The following NECTIN3 variants were observed in gnomAD, a reference collection of about 807,000 sequenced individuals.
NECTIN3 encodes nectin cell adhesion molecule 3.
NECTIN3 carries 8 observed loss-of-function variants against 49.4 expected under a neutral mutation model. That is an observed-to-expected ratio of 0.16 (90% CI 0.10 to 0.29). NECTIN3 has a LOEUF of 0.29. Ranked by LOEUF, NECTIN3 falls within the 10% of genes least tolerant of loss-of-function variation. The pLI, the probability that NECTIN3 is intolerant of heterozygous loss-of-function variation, is 1.00. For missense variants in NECTIN3, 581 were observed against 654.6 expected (o/e 0.89, Z 1.23); for synonymous variants, 277 against 241.1 (o/e 1.15, Z -1.38).
In NECTIN3 at chr3:111,091,491, AT is replaced by A. The variant is rs554924266; in HGVS notation, c.160+19316del. Among the ~76,000 whole-genome samples the A allele has an allele frequency of 6.6e-5, 10 of 152,006 alleles. No individual in the cohort carries two copies. The South Asian group carries it at 2.1e-3, about 32-fold the overall frequency. On this transcript the variant is annotated intron_variant, in intron 1 of 5. Transcript: ENST00000485303. ...ATGGTCTCAATCTCCTGACCTCATG[AT>A]TCACCCGCCTCGGCCTCCAGAGTGT... is the stretch of plus-strand genomic sequence containing the variant.
chr3:111,124,134 A>AT (rs910167695), intron 4 of NECTIN3, among the ~76,000 whole-genome samples: 27 of 151,856 alleles, frequency 1.8e-4, no homozygotes, highest in East Asian at 9.7e-4. Context: ...TTTCATTTAC[A>AT]TTTTTTTTAA....
chr3:111,143,768 G>T (rs917499181), intron 5 of NECTIN3, among the ~76,000 whole-genome samples: 1 of 151,934 alleles, frequency 6.6e-6, no homozygotes, highest in East Asian at 1.9e-4. Flanking sequence ...CCAACAAGGG[G>T]TAATAGTGGA....
intron 1 of NECTIN3, among the ~76,000 whole-genome samples, chr3:111,107,756 T>G (rs1311925030): frequency 6.6e-6 from 1 of 152,132 alleles, no homozygotes; most frequent in Non-Finnish European, 1.5e-5. Context: ...GCATTCTAAT[T>G]TGGAGTTTGG....
chr3:111,118,516 A>T lies in NECTIN3; in HGVS notation c.503-140A>T. ...TGTTTTTCCAAGAATGTAATTGACG[A>T]TGGCATTACCTAAAAAGTGTGTGTA... On this transcript the variant is annotated intron_variant, in intron 2 of 5. Coordinates refer to ENST00000485303, the MANE Select transcript of NECTIN3 (RefSeq NM_015480.3). 3 of 722,570 alleles carry T rather than the reference A, an allele frequency of 4.2e-6. No homozygotes were observed. The East Asian group carries it at 8.5e-5, about 21-fold the overall frequency. The allele number at this position is 722,570 out of a possible 1,614,324, so 44.8% of individuals were successfully genotyped here.
In NECTIN3 at chr3:111,137,435, GGTGTTTT is replaced by G; in HGVS notation, c.*3221_*3227del. 1.1e-6 allele frequency: 1 copy of G among 948,978 alleles called. No individual in the cohort carries two copies. The highest frequency in any genetic ancestry group is 1.8e-5 in the African/African-American group (1 of 55,196). 58.8% of individuals were successfully genotyped at this position (948,978 alleles called of 1,614,324 possible). A position where few individuals can be genotyped will look rare whatever the true frequency, so the allele number is the denominator to read the frequency against. ...GCTAAGTTTTGGTTTTGTTGTGTTT[GGTGTTTT>G]TTGTTTTGTTTTGTTTTGTTTTGTT... On this transcript the variant is annotated 3_prime_UTR_variant, in exon 6 of 6. Transcript: ENST00000485303.
At chr3:111,076,200 G>T (rs1247968992) in intron 1 of NECTIN3, among the ~76,000 whole-genome samples, 1 of 151,930 alleles carries the variant, frequency 6.6e-6, no homozygotes, top group African/African-American at 2.4e-5. Context: ...TATAGTTAAG[G>T]GATAAAACTT....
rs73854904 is a variant in NECTIN3, at chr3:111,106,072, C to G, written c.161-5958C>G. On this transcript the variant is annotated intron_variant, in intron 1 of 5. Transcript: ENST00000485303. ...TTTCTTCACTTAATGTATAGGATAC[C>G]CTCTTGGTTCCCTTCTTGCTTCCCT... is the stretch of plus-strand genomic sequence containing the variant. Among the ~76,000 whole-genome samples the G allele has an allele frequency of 8.6e-3, 1,301 of 151,462 alleles. 26 individuals are homozygous for G. Among genetic ancestry groups the G allele is most frequent in the African/African-American group, 0.029 (1,213 of 41,222 alleles).
chr3:111,189,739 G>A (rs1339342400), upstream of NECTIN3, among the ~76,000 whole-genome samples: 1 of 152,208 alleles, frequency 6.6e-6, no homozygotes, highest in East Asian at 1.9e-4. Flanking sequence ...AAATGAAAAT[G>A]CTGGGCCCCA....
chr3:111,076,968 T>C lies in NECTIN3; in HGVS notation c.160+4791T>C, dbSNP rs189688593. On this transcript the variant is annotated intron_variant, in intron 1 of 5. Coordinates refer to ENST00000485303, the MANE Select transcript of NECTIN3 (RefSeq NM_015480.3). ...TCCAGCCTGGGTGACGGAGCAAGACTCCGTCTCAAAAAAAAAAAAAAAAAT... is the reference window on the plus strand; with the variant it reads ...TCCAGCCTGGGTGACGGAGCAAGACCCCGTCTCAAAAAAAAAAAAAAAAAT... Among the ~76,000 whole-genome samples, 490 of 143,846 alleles carry C rather than the reference T, an allele frequency of 3.4e-3. 6 individuals are homozygous for C. The highest frequency in any genetic ancestry group is 0.012 in the African/African-American group (454 of 38,818). 94.4% of individuals were successfully genotyped at this position (143,846 alleles called of 152,430 possible).
chr3:111,134,086 A>G lies in NECTIN3; in HGVS notation c.1521A>G (p.Pro507=), dbSNP rs1432802601. The change falls in exon 6 of 6, where the codon CCA becomes CCG. Residue 507 remains proline (P), a synonymous_variant. Coordinates refer to ENST00000485303, the MANE Select transcript of NECTIN3 (RefSeq NM_015480.3). ...AAAATCTCAATAGGTTTGAAAGACCAATGGATTATTATGAAGATCTAAAAA... is the reference window on the plus strand; with the variant it reads ...AAAATCTCAATAGGTTTGAAAGACCGATGGATTATTATGAAGATCTAAAAA... The part of the protein sequence containing the change: ...NVENLNRFER[P]MDYYEDLKMG... 1 of 1,613,588 alleles carries G rather than the reference A, an allele frequency of 6.2e-7. No homozygotes were observed. Among genetic ancestry groups the G allele is most frequent in the Non-Finnish European group, 8.5e-7 (1 of 1,179,732 alleles).
At chr3:111,187,704 A>G (rs1576188674), upstream of NECTIN3, among the ~76,000 whole-genome samples, 2 of 152,226 alleles carry the variant, frequency 1.3e-5, no homozygotes, top group African/African-American at 4.8e-5. Context: ...AAAAAGCTAC[A>G]TACTGAATGA....
intron 1 of NECTIN3, among the ~76,000 whole-genome samples, chr3:111,080,726 G>C (rs1303730604): frequency 1.3e-5 from 2 of 151,864 alleles, no homozygotes; most frequent in Non-Finnish European, 2.9e-5. Flanking sequence ...GATAAATTGG[G>C]GACTATTGAG....
chr3:111,146,189 C>G (rs1017113543), intron 6 of NECTIN3, among the ~76,000 whole-genome samples: 1 of 152,112 alleles, frequency 6.6e-6, no homozygotes, highest in African/African-American at 2.4e-5. Flanking sequence ...AATCCCAGCA[C>G]TTTGGGAGGC....
intron 1 of NECTIN3, among the ~76,000 whole-genome samples, chr3:111,074,601 T>G (rs138001520): frequency 2.4e-3 from 362 of 152,226 alleles, no homozygotes; most frequent in African/African-American, 8.3e-3. Context: ...TAAAAATGTT[T>G]ATATCAGACT....
chr3:111,163,650 T>G (rs2035262511), intron 7 of NECTIN3, among the ~76,000 whole-genome samples: 1 of 152,224 alleles, frequency 6.6e-6, no homozygotes, highest in African/African-American at 2.4e-5. Context: ...CATTGGATGG[T>G]CATAACATCT....
At chr3:111,139,467 A>C (rs894052892), downstream of NECTIN3, among the ~76,000 whole-genome samples, 1 of 151,752 alleles carries the variant, frequency 6.6e-6, no homozygotes, top group Non-Finnish European at 1.5e-5. Flanking sequence ...ATTGATAGTG[A>C]GATCTAGAGC....
intron 1 of NECTIN3, among the ~76,000 whole-genome samples, chr3:111,098,234 CTGT>C (rs566988620): frequency 7.1e-4 from 108 of 152,322 alleles, no homozygotes; most frequent in African/African-American, 2.5e-3. Context: ...GTTATCACTA[CTGT>C]TGTTCTGGGT....
intron 7 of NECTIN3, among the ~76,000 whole-genome samples, chr3:111,167,660 G>A (rs1046617566): frequency 6.6e-6 from 1 of 152,116 alleles, no homozygotes; most frequent in African/African-American, 2.4e-5. Flanking sequence ...CTATGCTGGG[G>A]ATTGGTAGGT....
At position 111,134,245 on chromosome 3, in the gene NECTIN3, A is replaced by G; in HGVS notation, c.*30A>G. 1 of 1,541,326 alleles carries G rather than the reference A, an allele frequency of 6.5e-7. No individual in the cohort carries two copies. Among genetic ancestry groups the G allele is most frequent in the African/African-American group, 1.4e-5 (1 of 72,554 alleles). The stretch of plus-strand genomic sequence containing the variant: ...CACTGAATGTGACTTAACTATGTAC[A>G]ATGTTCATTCACACTAGTTGATCAT... On this transcript the variant is annotated 3_prime_UTR_variant, in exon 6 of 6. Transcript: ENST00000485303.
Sources: allele counts gnomAD v4.1 joint callset (sites outside exome capture counted in the v4.1 genomes callset), GRCh38; gene constraint gnomAD v4.1.1; transcripts MANE v1.5; gene names NCBI Gene and HGNC (gene_info 2026-07-23, HGNC 2026-07-21).